C1GALT1: variants seen among roughly 807,000 people sequenced by gnomAD.
The protein encoded by C1GALT1 is core 1 synthase, glycoprotein-N-acetylgalactosamine 3-beta-galactosyltransferase 1.
C1GALT1 carries 11 observed loss-of-function variants against 31.0 expected under a neutral mutation model. The ratio of observed to expected loss-of-function variants is 0.36; its 90% CI spans 0.22 to 0.59. C1GALT1 has a LOEUF of 0.59. Among genes scored for constraint, C1GALT1 ranks in the 20% least tolerant of loss-of-function variants. The pLI, the probability that C1GALT1 is intolerant of heterozygous loss-of-function variation, is 0.79. For missense variants in C1GALT1, 424 were observed against 425.2 expected (o/e 1.00, Z 0.03); for synonymous variants, 175 against 143.6 (o/e 1.22, Z -1.56).
intron 2 of C1GALT1, among the ~76,000 whole-genome samples, chr7:7,168,898 A>C (rs536949121): frequency 6.6e-6 from 1 of 152,338 alleles, no homozygotes; most frequent in East Asian, 1.9e-4. Context: ...ATGACATTTT[A>C]ACCATTTTAA....
intron 1 of C1GALT1, among the ~76,000 whole-genome samples, chr7:7,214,178 C>T (rs1782130212): frequency 6.6e-6 from 1 of 152,154 alleles, no homozygotes; most frequent in African/African-American, 2.4e-5. Flanking sequence ...TAACACAATG[C>T]AAAACAGAAT....
chr7:7,225,626 G>T (rs1050461799), intron 1 of C1GALT1, among the ~76,000 whole-genome samples: 4 of 152,278 alleles, frequency 2.6e-5, no homozygotes, highest in Middle Eastern at 3.4e-3. Context: ...TGTGTTTTTT[G>T]TGTTTAAGAA....
chr7:7,240,792 A>G (rs756789478), intron 3 of C1GALT1, among the ~76,000 whole-genome samples: 2 of 152,062 alleles, frequency 1.3e-5, no homozygotes, highest in African/African-American at 4.8e-5. Flanking sequence ...CATAAACCCA[A>G]CGTGAAACTA....
intron 2 of C1GALT1, among the ~76,000 whole-genome samples, chr7:7,165,594 A>T (rs73674671): frequency 1.3e-5 from 2 of 152,126 alleles, no homozygotes; most frequent in African/African-American, 4.8e-5. Flanking sequence ...CTTTCAAGAC[A>T]GGAAGAAAGA....
rs568954900 is a variant in C1GALT1, at chr7:7,244,693, G to A, written c.*966G>A. On this transcript the variant is annotated 3_prime_UTR_variant, in exon 4 of 4. Coordinates refer to ENST00000436587, the MANE Select transcript of C1GALT1 (RefSeq NM_020156.5). Reference sequence around the variant, plus strand: ...TTATGGTTTATTTCATTCTCATCCTGTTGGGATGAGAACTTGTTTGTGCCT... The same window carrying A: ...TTATGGTTTATTTCATTCTCATCCTATTGGGATGAGAACTTGTTTGTGCCT... 6.6e-6 allele frequency: 1 copy of A among 152,202 alleles called. No individual in the cohort carries two copies. The highest frequency in any genetic ancestry group is 6.5e-5 in the Admixed American group (1 of 15,298). 9.4% of individuals were successfully genotyped at this position (152,202 alleles called of 1,614,324 possible). A position where few individuals can be genotyped will look rare whatever the true frequency, so the allele number is the denominator to read the frequency against.
chr7:7,219,578 CATAA>C (rs1562582930), intron 1 of C1GALT1, among the ~76,000 whole-genome samples: 1 of 152,112 alleles, frequency 6.6e-6, no homozygotes, highest in East Asian at 1.9e-4. Flanking sequence ...ATAAAACCTA[CATAA>C]ATAAAAACTA....
chr7:7,209,442 C>T (rs763080921), intron 1 of C1GALT1: 2 of 152,158 alleles, frequency 1.3e-5, no homozygotes, highest in Non-Finnish European at 2.9e-5. Context: ...TTGGCTAGTG[C>T]TTCCAGTATT....
At chr7:7,163,540 A>G (rs1780360798) in intron 2 of C1GALT1, among the ~76,000 whole-genome samples, 1 of 152,196 alleles carries the variant, frequency 6.6e-6, no homozygotes, top group African/African-American at 2.4e-5. Flanking sequence ...CTGTTTGCAG[A>G]TGACATGATT....
At chr7:7,217,858 A>C (rs550382488) in intron 1 of C1GALT1, among the ~76,000 whole-genome samples, 10 of 152,116 alleles carry the variant, frequency 6.6e-5, no homozygotes, top group Non-Finnish European at 1.5e-4. Context: ...TGTTTGGTAA[A>C]TCAGGCAGCA....
At chr7:7,230,043 C>T (rs531304817) in intron 1 of C1GALT1, among the ~76,000 whole-genome samples, 29 of 152,312 alleles carry the variant, frequency 1.9e-4, no homozygotes, top group African/African-American at 6.3e-4. Flanking sequence ...TCCTTCACCT[C>T]TCCTCTTCCT....
intron 1 of C1GALT1, among the ~76,000 whole-genome samples, chr7:7,200,080 A>G (rs936616634): frequency 9.9e-5 from 15 of 152,198 alleles, no homozygotes; most frequent in African/African-American, 3.4e-4. Flanking sequence ...TGATCCTGTC[A>G]TTATGATGTT....
intron 1 of C1GALT1, chr7:7,183,677 C>A (rs1228832111): frequency 1.6e-5 from 13 of 822,736 alleles, no homozygotes; most frequent in African/African-American, 1.9e-5. Context: ...TCCCCACCCC[C>A]CACCACCCCG....
At position 7,238,672 on chromosome 7, in the gene C1GALT1, A is replaced by G; in HGVS notation, c.638A>G (p.Tyr213Cys). Residue 213 changes from tyrosine (Y) to cysteine (C), a missense_variant, in exon 3 of 4, where the codon TAT (tyrosine) becomes TGT (cysteine). This residue lies in a region of C1GALT1 where 191 missense variants were observed against 188.8 expected (regional missense o/e 1.01). Coordinates refer to ENST00000436587, the MANE Select transcript of C1GALT1 (RefSeq NM_020156.5). This position sits in a 1 kb window ranked among gnomAD's most constrained non-coding sequence, Gnocchi z 5.2. ...KQGYMSGGAG[Y>C]VLSKEALKRF... ...GGCTACATGAGTGGAGGAGCAGGAT[A>G]TGTACTAAGCAAAGAAGCCTTGAAA... 1 of 1,614,118 alleles carries G rather than the reference A, an allele frequency of 6.2e-7. No individual in the cohort carries two copies.
At chr7:7,162,014 C>T (rs886375116) in intron 2 of C1GALT1, among the ~76,000 whole-genome samples, 1 of 151,304 alleles carries the variant, frequency 6.6e-6, no homozygotes, top group Non-Finnish European at 1.5e-5. Flanking sequence ...ATGATTATGG[C>T]CTCATTTGTG....
chr7:7,175,276 G>A (rs373671487), intron 2 of C1GALT1, among the ~76,000 whole-genome samples: 145 of 152,280 alleles, frequency 9.5e-4, no homozygotes, highest in African/African-American at 3.1e-3. Context: ...AGATTTCCTC[G>A]AATGCCAGAA....
chr7:7,194,015 C>T (rs142489786), intron 1 of C1GALT1, among the ~76,000 whole-genome samples: 3 of 151,922 alleles, frequency 2.0e-5, no homozygotes, highest in African/African-American at 7.3e-5. Context: ...GATTTGTGTA[C>T]ATTAATTTTG....
chr7:7,243,567 T>G lies in C1GALT1; in HGVS notation c.932T>G (p.Val311Gly). ...CSDLAVSFHYVDSTTMYELEY... is the reference protein window; with the variant it reads ...CSDLAVSFHYGDSTTMYELEY... ...GATCTTGCAGTTTCTTTTCACTATG[T>G]TGATTCTACAACCATGTATGAGTTA... The change falls in exon 4 of 4, where the codon GTT becomes GGT. Residue 311 changes from valine (V) to glycine (G), a missense_variant. Physicochemically the swap from Val to Gly is moderately radical, Grantham distance 109. Coordinates refer to ENST00000436587, the MANE Select transcript of C1GALT1 (RefSeq NM_020156.5). 1 of 1,610,476 alleles carries G rather than the reference T, an allele frequency of 6.2e-7. No homozygotes were observed. Among genetic ancestry groups the G allele is most frequent in the Non-Finnish European group, 8.5e-7 (1 of 1,178,960 alleles).
chr7:7,222,990 A>G (rs1231568140), intron 1 of C1GALT1, among the ~76,000 whole-genome samples: 1 of 152,194 alleles, frequency 6.6e-6, no homozygotes, highest in Non-Finnish European at 1.5e-5. Context: ...TGATGAAATT[A>G]GAACACATAC....
intron 1 of C1GALT1, among the ~76,000 whole-genome samples, chr7:7,228,231 T>C (rs1397480777): frequency 1.3e-5 from 2 of 152,214 alleles, no homozygotes; most frequent in Admixed American, 6.5e-5. Flanking sequence ...ATTTCTTCCT[T>C]CTAAATCCTT....
Sources: allele counts gnomAD v4.1 joint callset (sites outside exome capture counted in the v4.1 genomes callset), GRCh38; gene constraint gnomAD v4.1.1; regional missense constraint gnomAD v4.1.1; non-coding constraint Gnocchi (gnomAD v3.1); transcripts MANE v1.5; gene names NCBI Gene and HGNC (gene_info 2026-07-23, HGNC 2026-07-21).